Variants in AVEN observed in about 807,000 individuals in gnomAD.
The protein encoded by AVEN is cell death regulator Aven.
Under a neutral mutation model 38.1 loss-of-function variants are expected in AVEN, and 41 were observed. That is an observed-to-expected ratio of 1.08 (90% CI 0.84 to 1.40). AVEN has a LOEUF of 1.40. Among genes scored for constraint, AVEN ranks in the 40% most tolerant of loss-of-function variants. AVEN has a pLI of 0.00. For missense variants in AVEN, 605 were observed against 438.8 expected, an observed-to-expected ratio of 1.38 and a Z score of -3.38; for synonymous variants, 206 against 171.8, an observed-to-expected ratio of 1.20 and a Z score of -1.56.
chr15:33,904,413 G>GTGTTT (rs1238305854), intron 2 of AVEN, among the ~76,000 whole-genome samples: 3 of 152,078 alleles, frequency 2.0e-5, no homozygotes, highest in Non-Finnish European at 4.4e-5. Context: ...GAGTAAGACT[G>GTGTTT]TGTTTTGTTT....
chr15:33,915,107 A>G (rs1567411292), intron 2 of AVEN, among the ~76,000 whole-genome samples: 1 of 152,142 alleles, frequency 6.6e-6, no homozygotes, highest in East Asian at 1.9e-4. Flanking sequence ...GGGCAATTTG[A>G]TATGTGTTTT....
chr15:33,880,730 TA>T (rs769758732), intron 2 of AVEN, among the ~76,000 whole-genome samples: 1 of 151,704 alleles, frequency 6.6e-6, no homozygotes, highest in Non-Finnish European at 1.5e-5. Context: ...GAGACCAAAA[TA>T]GTAGAAAACA....
At chr15:33,854,661 A>C (rs2079457803), downstream of AVEN, 1 of 1,435,812 alleles carries the variant, frequency 7.0e-7, no homozygotes, top group Admixed American at 2.2e-5. Flanking sequence ...TCAGCACCTA[A>C]ACCCCCTCTA....
At chr15:34,062,914 A>C in intron 5 of AVEN, 1 of 1,614,158 alleles carries the variant, frequency 6.2e-7, no homozygotes, top group Non-Finnish European at 8.5e-7. Context: ...ACAGTTAACA[A>C]CTATTACCTG....
the AVEN span, chr15:33,852,008 A>C: frequency 1.5e-5 from 2 of 130,006 alleles, no homozygotes; most frequent in African/African-American, 2.9e-5. Flanking sequence ...TTAACAAACC[A>C]AAAAAAAAAA....
chr15:34,033,941 C>G (rs545017135), intron 1 of AVEN, among the ~76,000 whole-genome samples: 4 of 152,162 alleles, frequency 2.6e-5, no homozygotes, highest in Non-Finnish European at 5.9e-5. Flanking sequence ...GTGCGCGCCA[C>G]CATGCCCAGC....
At chr15:33,876,487 G>A (rs534160729) in intron 2 of AVEN, among the ~76,000 whole-genome samples, 2 of 152,126 alleles carry the variant, frequency 1.3e-5, no homozygotes, top group African/African-American at 2.4e-5. Flanking sequence ...CAGGAGAATC[G>A]CTTCAACCCG....
intron 1 of AVEN, among the ~76,000 whole-genome samples, chr15:34,018,870 T>TA (rs1465170283): frequency 2.6e-4 from 19 of 73,558 alleles, no homozygotes; most frequent in African/African-American, 5.8e-4. Context: ...ATCAGTGCAT[T>TA]TATAATCCTT....
At chr15:34,055,069 G>A (rs1488448931) in intron 5 of AVEN, among the ~76,000 whole-genome samples, 4 of 151,884 alleles carry the variant, frequency 2.6e-5, no homozygotes, top group Admixed American at 2.0e-4. Context: ...GCACATGCCT[G>A]TAATCCCAGC....
chr15:33,866,555 T>C lies in AVEN; in HGVS notation c.*58A>G. On this transcript the variant is annotated 3_prime_UTR_variant, in exon 6 of 6. Coordinates refer to ENST00000306730, the MANE Select transcript of AVEN (RefSeq NM_020371.3). Reference sequence around the variant, plus strand: ...TGGCTGGTCCTGAAGGACAGCCTTATGCCCACCTGCCGTTAGAAGGCAACC... The same window carrying C: ...TGGCTGGTCCTGAAGGACAGCCTTACGCCCACCTGCCGTTAGAAGGCAACC... 1.5e-6 allele frequency: 2 copies of C among 1,328,616 alleles called. No homozygotes were observed. The highest frequency in any genetic ancestry group is 2.2e-6 in the Non-Finnish European group (2 of 925,250). The allele number at this position is 1,328,616 out of a possible 1,614,324, so 82.3% of individuals were successfully genotyped here. A position where few individuals can be genotyped will look rare whatever the true frequency, so the allele number is the denominator to read the frequency against.
chr15:34,007,837 C>T (rs997553440), intron 1 of AVEN, among the ~76,000 whole-genome samples: 1 of 152,112 alleles, frequency 6.6e-6, no homozygotes, highest in Non-Finnish European at 1.5e-5. Flanking sequence ...ATTCCATGAC[C>T]TTCTCCAGCT....
At chr15:34,038,554 T>C (rs1210213876) in intron 1 of AVEN, among the ~76,000 whole-genome samples, 3 of 150,108 alleles carry the variant, frequency 2.0e-5, no homozygotes, top group African/African-American at 7.5e-5. Context: ...CCCCACTGTC[T>C]CGCGCCAGCC....
At chr15:34,073,557 G>A (rs909897131) in intron 1 of AVEN, among the ~76,000 whole-genome samples, 4 of 84,714 alleles carry the variant, frequency 4.7e-5, no homozygotes, top group African/African-American at 2.0e-4. Context: ...TTTCGCTCTT[G>A]TTGCCCAGGC....
intron 2 of AVEN, among the ~76,000 whole-genome samples, chr15:33,932,117 C>T (rs540874895): frequency 1.5e-4 from 23 of 152,270 alleles, no homozygotes; most frequent in Non-Finnish European, 3.1e-4. Flanking sequence ...CTAAGAGCAG[C>T]ATCAGAAACT....
chr15:33,986,495 T>C (rs1014635154), intron 2 of AVEN, among the ~76,000 whole-genome samples: 1 of 152,058 alleles, frequency 6.6e-6, no homozygotes, highest in Non-Finnish European at 1.5e-5. Flanking sequence ...AAAACCACAT[T>C]AATTATCTAC....
intron 2 of AVEN, among the ~76,000 whole-genome samples, chr15:33,944,022 C>G (rs77120450): frequency 2.9e-3 from 439 of 152,182 alleles, no homozygotes; most frequent in African/African-American, 9.9e-3. Context: ...GCATGAACCA[C>G]CACACCTGGC....
chr15:33,959,699 G>C (rs1895092635), intron 2 of AVEN, among the ~76,000 whole-genome samples: 1 of 152,226 alleles, frequency 6.6e-6, no homozygotes, highest in Admixed American at 6.5e-5. Context: ...AGGAGGCAGA[G>C]CTGGTCCTTC....
intron 1 of AVEN, among the ~76,000 whole-genome samples, chr15:34,036,099 T>G (rs1340482900): frequency 2.7e-5 from 4 of 147,326 alleles, no homozygotes; most frequent in African/African-American, 9.8e-5. Flanking sequence ...CCCAGCCAGT[T>G]TTGTGTTTTT....
At chr15:34,053,322 ATAT>A (rs1567490292) in intron 5 of AVEN, among the ~76,000 whole-genome samples, 13 of 95,454 alleles carry the variant, frequency 1.4e-4, no homozygotes, top group African/African-American at 4.7e-4. Context: ...AAAAAAAAAT[ATAT>A]ATATATATAT....
Sources: gnomAD v4.1 joint callset for allele counts (sites outside exome capture counted in the v4.1 genomes callset) on GRCh38, gnomAD v4.1.1 for gene constraint, MANE v1.5 for transcripts, NCBI Gene and HGNC (gene_info 2026-07-23, HGNC 2026-07-21) for gene names.